ZNF782: variants seen among roughly 807,000 people sequenced by gnomAD.
The protein encoded by ZNF782 is zinc finger protein 782.
In ZNF782, 12 loss-of-function variants were observed where a neutral mutation model predicts 13.0. The ratio of observed to expected loss-of-function variants is 0.92; its 90% CI spans 0.59 to 1.50. The LOEUF (loss-of-function observed/expected upper bound fraction) is 1.50, where lower values mean the gene tolerates loss of function less well. Among genes scored for constraint, ZNF782 ranks in the 40% most tolerant of loss-of-function variants. ZNF782 has a pLI of 0.00. For missense variants in ZNF782, 770 were observed against 822.9 expected (o/e 0.94, Z 0.79); for synonymous variants, 284 against 283.0 (o/e 1.00, Z -0.04).
At chr9:96,862,167 A>G (rs1199968474) in intron 1 of ZNF782, among the ~76,000 whole-genome samples, 3 of 152,242 alleles carry the variant, frequency 2.0e-5, no homozygotes, top group African/African-American at 7.2e-5. Flanking sequence ...CAAACTTCAC[A>G]TGTTTTCACT....
intron 5 of ZNF782, among the ~76,000 whole-genome samples, chr9:96,820,045 G>T (rs776851955): frequency 6.6e-6 from 1 of 151,960 alleles, no homozygotes; most frequent in Non-Finnish European, 1.5e-5. Context: ...TAGAGAAGAG[G>T]ATATAAATCA....
chr9:96,821,762 C>T (rs1276478209), intron 5 of ZNF782, among the ~76,000 whole-genome samples: 3 of 151,524 alleles, frequency 2.0e-5, no homozygotes, highest in Admixed American at 6.6e-5. Context: ...AGCTTCACCT[C>T]CCGGGTTCAC....
chr9:96,897,657 C>T, the ZNF782 span, among the ~76,000 whole-genome samples: 24 of 151,078 alleles, frequency 1.6e-4, no homozygotes, highest in African/African-American at 4.9e-4. Context: ...TGTTAGGAGG[C>T]CCCTGAATAT....
the ZNF782 span, among the ~76,000 whole-genome samples, chr9:96,920,180 G>A: frequency 6.7e-6 from 1 of 149,976 alleles, no homozygotes; most frequent in Non-Finnish European, 1.5e-5. Flanking sequence ...AAGGGCACTT[G>A]GGGTTTATTA....
chr9:96,848,889 A>T (rs935043318), intron 3 of ZNF782, among the ~76,000 whole-genome samples: 3 of 152,222 alleles, frequency 2.0e-5, no homozygotes, highest in Non-Finnish European at 4.4e-5. Flanking sequence ...AAAAAGAACA[A>T]ATCTGGAGGC....
upstream of ZNF782, among the ~76,000 whole-genome samples, chr9:96,857,628 C>T (rs748400907): frequency 1.7e-4 from 26 of 152,260 alleles, no homozygotes; most frequent in Non-Finnish European, 3.1e-4. Context: ...TGCTGTGGAG[C>T]GATGACCATG....
intron 1 of ZNF782, among the ~76,000 whole-genome samples, chr9:96,853,671 C>T (rs1490503148): frequency 6.6e-6 from 1 of 152,204 alleles, no homozygotes; most frequent in African/African-American, 2.4e-5. Context: ...CATCCACTCC[C>T]TGAGTATTTG....
chr9:96,922,690 C>T, the ZNF782 span, among the ~76,000 whole-genome samples: 9 of 150,536 alleles, frequency 6.0e-5, no homozygotes, highest in Non-Finnish European at 7.4e-5. Flanking sequence ...AGGAGAATGG[C>T]GTGAACCCGG....
chr9:96,885,831 C>CTT, the ZNF782 span, among the ~76,000 whole-genome samples: 4 of 151,618 alleles, frequency 2.6e-5, no homozygotes, highest in East Asian at 3.9e-4. Context: ...TCCTTCCTTC[C>CTT]TCTTTCTTTC....
At chr9:96,895,923 C>A in the ZNF782 span, 1 of 152,152 alleles carries the variant, frequency 6.6e-6, no homozygotes, top group Non-Finnish European at 1.5e-5. Context: ...AACAGCAAAC[C>A]AAAAACAATA....
chr9:96,848,667 A>G (rs1190795657), intron 3 of ZNF782, among the ~76,000 whole-genome samples: 4 of 152,236 alleles, frequency 2.6e-5, no homozygotes, highest in African/African-American at 9.6e-5. Flanking sequence ...CACTGCTGAA[A>G]GAAATCACAG....
At chr9:96,882,210 G>T in the ZNF782 span, among the ~76,000 whole-genome samples, 13 of 152,028 alleles carry the variant, frequency 8.6e-5, no homozygotes, top group East Asian at 2.5e-3. Flanking sequence ...GATGTTAAAG[G>T]TTATGAGAAA....
intron 1 of ZNF782, among the ~76,000 whole-genome samples, chr9:96,869,146 GA>G (rs1167139666): frequency 6.6e-6 from 1 of 151,840 alleles, no homozygotes. Context: ...GAAGTGATTA[GA>G]AAAATGAAAA....
chr9:96,928,125 A>G, the ZNF782 span, among the ~76,000 whole-genome samples: 6 of 151,906 alleles, frequency 3.9e-5, no homozygotes, highest in African/African-American at 1.5e-4. Context: ...AAGGCTGGTC[A>G]TTGCCTATTC....
At chr9:96,843,697 T>C (rs1851257101) in intron 4 of ZNF782, among the ~76,000 whole-genome samples, 2 of 152,330 alleles carry the variant, frequency 1.3e-5, no homozygotes, top group South Asian at 4.1e-4. Flanking sequence ...TAGTGTATTA[T>C]AGTTATAAAA....
chr9:96,842,271 C>A (rs1350597021), intron 4 of ZNF782, among the ~76,000 whole-genome samples: 2 of 151,854 alleles, frequency 1.3e-5, no homozygotes, highest in African/African-American at 4.8e-5. Context: ...TTAACTGTCA[C>A]AAAATTGATA....
intron 1 of ZNF782, among the ~76,000 whole-genome samples, chr9:96,870,130 C>T (rs1851807136): frequency 6.6e-6 from 1 of 152,168 alleles, no homozygotes; most frequent in Non-Finnish European, 1.5e-5. Context: ...AAACCTCAGC[C>T]AAAATAGCTG....
rs916951673 is a variant in ZNF782, at chr9:96,816,787, G to A, written c.*1136C>T. ...AAGAATTTCCTATATTTGTTAAAAT[G>A]TCAGATTTCTTATGATATTACCTGT... On this transcript the variant is annotated 3_prime_UTR_variant, in exon 6 of 6. Transcript: ENST00000481138. The A allele has an allele frequency of 6.6e-6, 1 of 152,154 alleles. No homozygotes were observed. Among genetic ancestry groups the A allele is most frequent in the African/African-American group, 2.4e-5 (1 of 41,434 alleles). 9.4% of individuals were successfully genotyped at this position (152,154 alleles called of 1,614,324 possible). A position where few individuals can be genotyped will look rare whatever the true frequency, so the allele number is the denominator to read the frequency against.
the ZNF782 span, chr9:96,895,964 TACC>T: frequency 2.3e-3 from 346 of 152,370 alleles, 3 homozygotes; most frequent in African/African-American, 7.8e-3. Flanking sequence ...CAGAGATTAG[TACC>T]ACCATCAAGG....
Sources: allele counts gnomAD v4.1 joint callset (sites outside exome capture counted in the v4.1 genomes callset), GRCh38; gene constraint gnomAD v4.1.1; transcripts MANE v1.5; gene names NCBI Gene and HGNC (gene_info 2026-07-23, HGNC 2026-07-21).